Variants in XRN1 observed in about 807,000 individuals in gnomAD.
XRN1 encodes 5'-3' exoribonuclease 1.
A neutral mutation model predicts 222.3 loss-of-function variants in XRN1; 67 were observed. That is an observed-to-expected ratio of 0.30 (90% confidence interval 0.25 to 0.37). The LOEUF (loss-of-function observed/expected upper bound fraction) is 0.37, where lower values mean the gene tolerates loss of function less well. XRN1 is among the 10% of genes least tolerant of loss of function. The probability of loss-of-function intolerance (pLI) is 1.00; values close to 1 mark genes in which losing one functional copy is unlikely to be tolerated. For missense variants in XRN1, 1,707 were observed against 2,000.2 expected (o/e 0.85, Z 2.80); for synonymous variants, 643 against 652.4 (o/e 0.99, Z 0.22).
At chr3:142,326,371 C>T (rs1016600129) in intron 37 of XRN1, among the ~76,000 whole-genome samples, 2 of 151,908 alleles carry the variant, frequency 1.3e-5, no homozygotes, top group African/African-American at 2.4e-5. Context: ...TCTTTCACTG[C>T]TTTGGTTAAC....
chr3:142,439,870 G>A (rs567727313), intron 1 of XRN1, among the ~76,000 whole-genome samples: 10 of 152,260 alleles, frequency 6.6e-5, no homozygotes, highest in Admixed American at 2.6e-4. Context: ...AGTGCGGTCC[G>A]CAAGGACACT....
At chr3:142,327,787 C>A (rs1256994547) in intron 37 of XRN1, among the ~76,000 whole-genome samples, 1 of 152,158 alleles carries the variant, frequency 6.6e-6, no homozygotes, top group East Asian at 1.9e-4. Context: ...ATTATGTACA[C>A]TGCATACATT....
intron 18 of XRN1, among the ~76,000 whole-genome samples, chr3:142,400,912 G>T (rs1009922796): frequency 6.6e-6 from 1 of 151,336 alleles, no homozygotes. Flanking sequence ...GCAAGACTCC[G>T]TCTCAAAAAT....
At position 142,380,103 on chromosome 3, in the gene XRN1, A is replaced by G; in HGVS notation, c.2694T>C (p.Asp898=). 1 of 1,613,940 alleles carries G rather than the reference A, an allele frequency of 6.2e-7. No individual in the cohort carries two copies. Reference sequence around the variant, plus strand: ...TCACATGCTGGTTCTGTATTAAAGCATCAAGATTGGGTTCACATGGAATGC... The same window carrying G: ...TCACATGCTGGTTCTGTATTAAAGCGTCAAGATTGGGTTCACATGGAATGC... The part of the protein sequence containing the change: ...IFSIPCEPNL[D]ALIQNQHKYS... The change falls in exon 23 of 41, where the codon GAT becomes GAC. Residue 898 remains aspartate (D), a synonymous_variant. Coordinates refer to ENST00000392981, the MANE Select transcript of XRN1 (RefSeq NM_001282857.2).
At chr3:142,376,923 G>C (rs1333188450) in intron 23 of XRN1, among the ~76,000 whole-genome samples, 1 of 151,990 alleles carries the variant, frequency 6.6e-6, no homozygotes, top group Non-Finnish European at 1.5e-5. Context: ...TTTTTTGTTT[G>C]TTTTTGTTTT....
At chr3:142,357,594 C>T (rs1577283787) in intron 30 of XRN1, among the ~76,000 whole-genome samples, 1 of 152,040 alleles carries the variant, frequency 6.6e-6, no homozygotes. Flanking sequence ...AACTGGCATG[C>T]TTTTTTATTT....
At chr3:142,368,060 A>G (rs1447984504) in intron 27 of XRN1, among the ~76,000 whole-genome samples, 1 of 150,396 alleles carries the variant, frequency 6.6e-6, no homozygotes, top group East Asian at 1.9e-4. Context: ...TATATAATAC[A>G]TATTAAATGA....
intron 25 of XRN1, among the ~76,000 whole-genome samples, chr3:142,373,198 T>C (rs1000521965): frequency 6.6e-6 from 1 of 152,076 alleles, no homozygotes; most frequent in South Asian, 2.1e-4. Flanking sequence ...AGATGCTATA[T>C]ATAGCCAGAG....
At chr3:142,343,631 G>A (rs1361355771) in intron 33 of XRN1, among the ~76,000 whole-genome samples, 1 of 152,140 alleles carries the variant, frequency 6.6e-6, no homozygotes, top group Non-Finnish European at 1.5e-5. Context: ...TATACTGTTG[G>A]TGGAGATGTA....
At chr3:142,444,838 TA>T (rs67104793) in intron 1 of XRN1, among the ~76,000 whole-genome samples, 32,679 of 151,456 alleles carry the variant, frequency 0.22, 3,495 homozygotes, top group East Asian at 0.29. Flanking sequence ...CTATGTTTCA[TA>T]AAAAAAAATA....
rs1217030283 is a variant in XRN1, at chr3:142,313,048, A to G, written c.4622-290T>C. 2.1e-5 allele frequency: 30 copies of G among 1,431,280 alleles called. No individual in the cohort carries two copies. The Admixed American group carries it at 3.1e-4, about 15-fold the overall frequency. 88.7% of individuals were successfully genotyped at this position (1,431,280 alleles called of 1,614,324 possible). A position where few individuals can be genotyped will look rare whatever the true frequency, so the allele number is the denominator to read the frequency against. On this transcript the variant is annotated intron_variant, in intron 39 of 40. Coordinates refer to ENST00000392981, the MANE Select transcript of XRN1 (RefSeq NM_001282857.2). Reference sequence around the variant, plus strand: ...ACAAGTTTTAGGAATATTTGCAATTATATTTATAAAAAAAATAAAAGGGTC... The same window carrying G: ...ACAAGTTTTAGGAATATTTGCAATTGTATTTATAAAAAAAATAAAAGGGTC...
intron 26 of XRN1, 96 bp downstream of exon 26, chr3:142,371,143 A>AG (rs2107889446): frequency 9.5e-7 from 1 of 1,052,042 alleles, no homozygotes; most frequent in East Asian, 2.6e-5. Context: ...AAAAAAAAAA[A>AG]AAAAGTAATA....
At chr3:142,386,228 C>G (rs535557047) in intron 20 of XRN1, among the ~76,000 whole-genome samples, 1 of 152,012 alleles carries the variant, frequency 6.6e-6, no homozygotes, top group South Asian at 2.1e-4. Context: ...TTCAGGAAAT[C>G]TTTATAATTA....
At position 142,312,590 on chromosome 3, in the gene XRN1, T is replaced by C; in HGVS notation, c.4782+8A>G. The stretch of plus-strand genomic sequence containing the variant: ...AAATAATTATCTTAAAAATATTATT[T>C]TTCTTACCTGCAGAGGTATAAACTG... On this transcript the variant is annotated splice_region_variant and intron_variant, in intron 40 of 40. Transcript: ENST00000392981. The C allele has an allele frequency of 6.5e-7, 1 of 1,535,616 alleles. No homozygotes were observed. Among genetic ancestry groups the C allele is most frequent in the Non-Finnish European group, 8.8e-7 (1 of 1,140,838 alleles).
chr3:142,375,473 A>C (rs1401361657), intron 25 of XRN1, among the ~76,000 whole-genome samples: 1 of 152,222 alleles, frequency 6.6e-6, no homozygotes, highest in Non-Finnish European at 1.5e-5. Flanking sequence ...CACTATGCTA[A>C]GAGCTTTGTT....
At chr3:142,399,411 T>C (rs577376167) in intron 19 of XRN1, among the ~76,000 whole-genome samples, 5 of 152,196 alleles carry the variant, frequency 3.3e-5, no homozygotes, top group African/African-American at 1.2e-4. Context: ...TGAAAGTAGA[T>C]CTGCCCCTTA....
chr3:142,338,239 AG>A (rs2107943593), intron 33 of XRN1, among the ~76,000 whole-genome samples: 1 of 152,290 alleles, frequency 6.6e-6, no homozygotes, highest in East Asian at 1.9e-4. Context: ...ACGAAAGAAA[AG>A]GGAAGAGTAA....
In XRN1 at chr3:142,333,066, A is replaced by G. The variant is rs756740308; in HGVS notation, c.3963T>C (p.Phe1321=). 1.6e-5 allele frequency: 25 copies of G among 1,612,854 alleles called. 1 individual carries two copies. In the South Asian group the frequency reaches 2.7e-4, roughly 18 times the overall value. The change falls in exon 35 of 41, where the codon TTT becomes TTC. Residue 1321 remains phenylalanine (F), a synonymous_variant. Transcript: ENST00000392981. ...CTTTGGAGATATTCAAAGATGCTAA[A>G]AAGTTCTCAATTCCAGAGTTAGGCT... ...NKQPNSGIEN[F]LASLNISKEN...
chr3:142,355,685 G>T (rs902554912), intron 31 of XRN1, among the ~76,000 whole-genome samples, 189 bp from the exon 32 acceptor site: 6 of 152,026 alleles, frequency 3.9e-5, no homozygotes, highest in African/African-American at 1.4e-4. Context: ...GCTGTGGTGG[G>T]GTCATAGGTG....
Sources: allele counts gnomAD v4.1 joint callset (sites outside exome capture counted in the v4.1 genomes callset), GRCh38; gene constraint gnomAD v4.1.1; transcripts MANE v1.5; gene names NCBI Gene and HGNC (gene_info 2026-07-23, HGNC 2026-07-21).